The following RBMS1 variants were observed in gnomAD, a reference collection of about 807,000 sequenced individuals.
The protein encoded by RBMS1 is RNA-binding motif, single-stranded-interacting protein 1.
A neutral mutation model predicts 62.3 loss-of-function variants in RBMS1; 17 were observed. That is an observed-to-expected ratio of 0.27 (90% CI 0.19 to 0.41). RBMS1 has a LOEUF of 0.41. Among genes scored for constraint, RBMS1 ranks in the 10% least tolerant of loss-of-function variants. RBMS1 has a pLI of 1.00. For synonymous variants in RBMS1, 172 were observed against 170.0 expected (o/e 1.01, Z -0.09); for missense variants, 334 against 504.5 (o/e 0.66, Z 3.24).
intron 1 of RBMS1, among the ~76,000 whole-genome samples, chr2:160,472,781 A>C (rs1246032436): frequency 6.6e-6 from 1 of 152,222 alleles, no homozygotes; most frequent in Non-Finnish European, 1.5e-5. Context: ...ATTCTCATTC[A>C]GTGATCCTTT....
chr2:160,368,583 G>A (rs577591261), intron 1 of RBMS1, among the ~76,000 whole-genome samples: 1 of 152,244 alleles, frequency 6.6e-6, no homozygotes, highest in East Asian at 1.9e-4. Flanking sequence ...CCCAGCTTCT[G>A]CCATGGTCAT....
intron 1 of RBMS1, among the ~76,000 whole-genome samples, chr2:160,385,524 G>A (rs997570169): frequency 2.6e-5 from 4 of 152,196 alleles, no homozygotes; most frequent in African/African-American, 9.7e-5. Context: ...GACTGTCATT[G>A]TTCTGGGATT....
chr2:160,330,915 T>C (rs2105983201), intron 2 of RBMS1, among the ~76,000 whole-genome samples: 1 of 152,246 alleles, frequency 6.6e-6, no homozygotes, highest in South Asian at 2.1e-4. Flanking sequence ...CCTAATCCAG[T>C]GTGACTATTG....
chr2:160,418,397 T>G (rs899244811), intron 1 of RBMS1, among the ~76,000 whole-genome samples: 1 of 152,124 alleles, frequency 6.6e-6, no homozygotes, highest in East Asian at 1.9e-4. Flanking sequence ...GGAAAAGTAA[T>G]TTTTACATAG....
rs1695646942 is a variant in RBMS1 at position 160,405,343 on chromosome 2, C to T, written c.76-37952G>A. On this transcript the variant is annotated intron_variant, in intron 1 of 13. Transcript: ENST00000348849. ...GACTAAAATCAAACTGCATCATATA[C>T]CTAAAATCTGCCAATTCTTTCATCA... Among the ~76,000 whole-genome samples the T allele has an allele frequency of 3.3e-5, 5 of 151,760 alleles. No individual in the cohort carries two copies. In the Middle Eastern group the frequency reaches 0.01, roughly 310 times the overall value.
In RBMS1 at chr2:160,275,719, A is replaced by G; in HGVS notation, c.1144-5T>C. 1 of 1,613,722 alleles carries G rather than the reference A, an allele frequency of 6.2e-7. No individual in the cohort carries two copies. Among genetic ancestry groups the G allele is most frequent in the East Asian group, 2.2e-5 (1 of 44,860 alleles). On this transcript the variant is annotated splice_region_variant and splice_polypyrimidine_tract_variant and intron_variant, in intron 12 of 13. Transcript: ENST00000348849. Reference sequence around the variant, plus strand: ...CTGCTGTTGACCACTTGCCTCCTACAACAAACAAAGCAGAATGGATGAGAC... The same window carrying G: ...CTGCTGTTGACCACTTGCCTCCTACGACAAACAAAGCAGAATGGATGAGAC...
intron 1 of RBMS1, among the ~76,000 whole-genome samples, chr2:160,466,567 T>C (rs1461452899): frequency 6.6e-6 from 1 of 152,168 alleles, no homozygotes; most frequent in Non-Finnish European, 1.5e-5. Flanking sequence ...AAAGCCAACA[T>C]GTACACAACA....
chr2:160,399,107 T>C (rs1204132377), intron 1 of RBMS1, among the ~76,000 whole-genome samples: 1 of 152,238 alleles, frequency 6.6e-6, no homozygotes, highest in Non-Finnish European at 1.5e-5. Flanking sequence ...TTCAAATCTT[T>C]GCTGAATCAA....
intron 2 of RBMS1, among the ~76,000 whole-genome samples, chr2:160,359,189 C>T (rs1215102634): frequency 6.6e-6 from 1 of 152,080 alleles, no homozygotes; most frequent in Non-Finnish European, 1.5e-5. Flanking sequence ...GAAGCTATTT[C>T]CTTATATTAG....
At chr2:160,465,844 C>CCACACACA (rs34253924) in intron 1 of RBMS1, among the ~76,000 whole-genome samples, 1 of 109,876 alleles carries the variant, frequency 9.1e-6, no homozygotes, top group Non-Finnish European at 2.0e-5. Flanking sequence ...CCTCCCCACA[C>CCACACACA]CACACACACA....
chr2:160,419,471 TGTA>T (rs1284239376), intron 1 of RBMS1, among the ~76,000 whole-genome samples: 1 of 152,198 alleles, frequency 6.6e-6, no homozygotes, highest in East Asian at 1.9e-4. Flanking sequence ...TATAAACTCT[TGTA>T]GTTCAAAATC....
At chr2:160,425,011 C>G (rs996401959) in intron 1 of RBMS1, among the ~76,000 whole-genome samples, 3 of 151,968 alleles carry the variant, frequency 2.0e-5, no homozygotes, top group African/African-American at 7.3e-5. Flanking sequence ...GTCTTCAGAT[C>G]CCTATTAGAC....
At chr2:160,305,136 G>A (rs1689432073) in intron 4 of RBMS1, among the ~76,000 whole-genome samples, 1 of 152,166 alleles carries the variant, frequency 6.6e-6, no homozygotes, top group Non-Finnish European at 1.5e-5. Context: ...TAAAGGTGTA[G>A]GCCACTGTGC....
intron 1 of RBMS1, among the ~76,000 whole-genome samples, chr2:160,465,368 C>T (rs1684644536): frequency 1.3e-5 from 2 of 152,182 alleles, no homozygotes; most frequent in East Asian, 1.9e-4. Context: ...AAACAGTACT[C>T]GATATTGTTG....
chr2:160,404,680 G>C (rs986480748), intron 1 of RBMS1, among the ~76,000 whole-genome samples: 2 of 152,136 alleles, frequency 1.3e-5, no homozygotes, highest in Admixed American at 6.5e-5. Flanking sequence ...GTAAAATGTA[G>C]AAAGCTTTAA....
chr2:160,394,330 C>T (rs1349413657), intron 1 of RBMS1, among the ~76,000 whole-genome samples: 1 of 152,146 alleles, frequency 6.6e-6, no homozygotes, highest in Non-Finnish European at 1.5e-5. Flanking sequence ...CAGGAACTTA[C>T]ACCTAGAAAC....
chr2:160,277,017 A>T (rs1007376914), intron 12 of RBMS1, among the ~76,000 whole-genome samples: 17 of 152,276 alleles, frequency 1.1e-4, no homozygotes, highest in Middle Eastern at 3.4e-3. Flanking sequence ...AGCTGGGACT[A>T]CAGGTCCATG....
At chr2:160,345,945 G>A (rs932679332) in intron 2 of RBMS1, among the ~76,000 whole-genome samples, 1 of 152,098 alleles carries the variant, frequency 6.6e-6, no homozygotes, top group Non-Finnish European at 1.5e-5. Flanking sequence ...AGCAGACAAT[G>A]GCTGTTCAGA....
intron 6 of RBMS1, among the ~76,000 whole-genome samples, chr2:160,294,362 A>G (rs1204186741): frequency 1.3e-5 from 2 of 152,212 alleles, no homozygotes; most frequent in Admixed American, 6.5e-5. Flanking sequence ...GATTTTTACA[A>G]AACTGTAACC....
Sources: allele counts gnomAD v4.1 joint callset (sites outside exome capture counted in the v4.1 genomes callset), GRCh38; gene constraint gnomAD v4.1.1; transcripts MANE v1.5; gene names NCBI Gene and HGNC (gene_info 2026-07-23, HGNC 2026-07-21).